MARCHF1: variants seen among roughly 807,000 people sequenced by gnomAD.
The protein encoded by MARCHF1 is membrane associated ring-CH-type finger 1.
In MARCHF1, 40 loss-of-function variants were observed where a neutral mutation model predicts 54.2. The observed-to-expected ratio is 0.74, with a 90% CI of 0.57 to 0.96. The LOEUF is 0.96. Among genes scored for constraint, MARCHF1 ranks in the 40% least tolerant of loss-of-function variants. The pLI, the probability that MARCHF1 is intolerant of heterozygous loss-of-function variation, is 0.00. For missense variants in MARCHF1, 586 were observed against 656.5 expected (o/e 0.89, Z 1.17); for synonymous variants, 236 against 236.3 (o/e 1.00, Z 0.01).
At chr4:164,027,600 C>G (rs935223780) in intron 2 of MARCHF1, among the ~76,000 whole-genome samples, 10 of 151,836 alleles carry the variant, frequency 6.6e-5, no homozygotes, top group African/African-American at 2.4e-4. Context: ...AAAATTAACT[C>G]AAGATGGATT....
At chr4:164,080,887 C>G (rs574862178) in intron 2 of MARCHF1, among the ~76,000 whole-genome samples, 93 of 151,992 alleles carry the variant, frequency 6.1e-4, no homozygotes, top group African/African-American at 2.2e-3. Flanking sequence ...TTTAAGAGGG[C>G]TAAACTAGAT....
At chr4:164,080,552 C>A (rs1005816728) in intron 2 of MARCHF1, among the ~76,000 whole-genome samples, 4 of 151,882 alleles carry the variant, frequency 2.6e-5, no homozygotes, top group Non-Finnish European at 5.9e-5. Flanking sequence ...ATTCACAGAA[C>A]CTCTTCCTTC....
intron 1 of MARCHF1, among the ~76,000 whole-genome samples, chr4:164,207,093 T>C (rs915820627): frequency 6.6e-6 from 1 of 152,212 alleles, no homozygotes; most frequent in East Asian, 1.9e-4. Context: ...GAAAGTTCTT[T>C]TCCTCATTGA....
At chr4:163,851,115 G>A (rs898467735) in intron 4 of MARCHF1, among the ~76,000 whole-genome samples, 4 of 151,910 alleles carry the variant, frequency 2.6e-5, no homozygotes, top group African/African-American at 7.3e-5. Context: ...ATAACTCTAG[G>A]TCCCATTATC....
At chr4:164,336,703 A>T (rs997509256) in intron 1 of MARCHF1, among the ~76,000 whole-genome samples, 2 of 152,146 alleles carry the variant, frequency 1.3e-5, no homozygotes, top group Admixed American at 1.3e-4. Flanking sequence ...GGCAGGCAAC[A>T]ATTCAAAGGT....
intron 4 of MARCHF1, among the ~76,000 whole-genome samples, chr4:163,740,294 C>A (rs1746158803): frequency 6.6e-6 from 1 of 152,176 alleles, no homozygotes; most frequent in Admixed American, 6.5e-5. Context: ...CCGGTCCTAG[C>A]TTATATCATC....
chr4:163,660,373 G>A (rs577818954), intron 5 of MARCHF1, among the ~76,000 whole-genome samples: 86 of 151,972 alleles, frequency 5.7e-4, no homozygotes, highest in African/African-American at 1.9e-3. Context: ...TGGACACAAG[G>A]AGAGGAATGT....
intron 9 of MARCHF1, among the ~76,000 whole-genome samples, chr4:163,533,945 T>A: frequency 6.6e-6 from 1 of 151,890 alleles, no homozygotes; most frequent in Admixed American, 6.6e-5. Context: ...ATGCTCATGA[T>A]CTATACCTCT....
chr4:163,848,060 T>A (rs959864117), intron 4 of MARCHF1, among the ~76,000 whole-genome samples: 1 of 152,248 alleles, frequency 6.6e-6, no homozygotes, highest in African/African-American at 2.4e-5. Context: ...ATTGTGTGCA[T>A]CTGAGTAAAA....
At chr4:163,719,623 T>C (rs1745379310) in intron 4 of MARCHF1, among the ~76,000 whole-genome samples, 1 of 151,978 alleles carries the variant, frequency 6.6e-6, no homozygotes, top group South Asian at 2.1e-4. Flanking sequence ...TCCACAATGG[T>C]TGAACTAGTT....
chr4:163,564,960 T>C (rs973552248), intron 8 of MARCHF1, among the ~76,000 whole-genome samples: 1 of 152,092 alleles, frequency 6.6e-6, no homozygotes, highest in Non-Finnish European at 1.5e-5. Context: ...CCCACTTCCA[T>C]GGAAGGAACT....
rs1749735759 is a variant in MARCHF1 at position 163,855,038 on chromosome 4, T to C, written c.-38-869A>G. On this transcript the variant is annotated intron_variant, in intron 3 of 9. Coordinates refer to ENST00000514618, the MANE Select transcript of MARCHF1 (RefSeq NM_001394959.1). The stretch of plus-strand genomic sequence containing the variant: ...TGTGGAGTAATTATTTTTCACAGCA[T>C]CCAAAGCAATTAGCAATCTGGTCAT... Among the ~76,000 whole-genome samples, 3 of 152,122 alleles carry C rather than the reference T, an allele frequency of 2.0e-5. No individual in the cohort carries two copies. The South Asian group carries it at 6.2e-4, about 31-fold the overall frequency.
At chr4:163,552,815 C>T (rs903626176) in intron 8 of MARCHF1, among the ~76,000 whole-genome samples, 8 of 151,970 alleles carry the variant, frequency 5.3e-5, no homozygotes, top group Non-Finnish European at 1.0e-4. Context: ...GGGCAGATCA[C>T]GAGGTCAGGA....
intron 3 of MARCHF1, among the ~76,000 whole-genome samples, chr4:163,960,210 A>C (rs1752319389): frequency 6.6e-6 from 1 of 151,990 alleles, no homozygotes; most frequent in Non-Finnish European, 1.5e-5. Context: ...GTTGGTGGGA[A>C]TGTAAATTAT....
chr4:163,636,045 C>T (rs1485453012), intron 5 of MARCHF1, among the ~76,000 whole-genome samples: 7 of 152,130 alleles, frequency 4.6e-5, no homozygotes, highest in East Asian at 3.9e-4. Flanking sequence ...AATTCAACAA[C>T]CCTTCATGCT....
At chr4:164,162,363 A>C (rs540629034) in intron 1 of MARCHF1, among the ~76,000 whole-genome samples, 2 of 152,250 alleles carry the variant, frequency 1.3e-5, no homozygotes, top group Admixed American at 1.3e-4. Flanking sequence ...GTGTCATAGA[A>C]GATCCAGTGA....
chr4:163,706,703 T>G (rs115298057), intron 4 of MARCHF1, among the ~76,000 whole-genome samples: 4 of 152,100 alleles, frequency 2.6e-5, no homozygotes, highest in Non-Finnish European at 4.4e-5. Flanking sequence ...CAATTAAATC[T>G]TCAATAGAAT....
At chr4:163,906,626 GT>G (rs761978893) in intron 3 of MARCHF1, among the ~76,000 whole-genome samples, 1 of 151,722 alleles carries the variant, frequency 6.6e-6, no homozygotes, top group Non-Finnish European at 1.5e-5. Context: ...TATCAGCTAT[GT>G]AGCAAGTTTG....
At chr4:164,115,616 T>G (rs1755923850) in intron 1 of MARCHF1, among the ~76,000 whole-genome samples, 1 of 151,978 alleles carries the variant, frequency 6.6e-6, no homozygotes, top group African/African-American at 2.4e-5. Flanking sequence ...ATTGCAGAAA[T>G]GAGTCAAGTC....
Sources: gnomAD v4.1 joint callset for allele counts (sites outside exome capture counted in the v4.1 genomes callset) on GRCh38, gnomAD v4.1.1 for gene constraint, MANE v1.5 for transcripts, NCBI Gene and HGNC (gene_info 2026-07-23, HGNC 2026-07-21) for gene names.